The following SAMD4A variants were observed in gnomAD, a reference collection of about 807,000 sequenced individuals.
SAMD4A encodes sterile alpha motif domain containing 4A, also known as protein Smaug homolog 1.
In SAMD4A, 33 loss-of-function variants were observed where a neutral mutation model predicts 81.3. The ratio of observed to expected loss-of-function variants is 0.41; its 90% CI spans 0.31 to 0.54. The LOEUF (loss-of-function observed/expected upper bound fraction) is 0.54. SAMD4A is among the 20% of genes least tolerant of loss of function. SAMD4A has a pLI of 0.37. For synonymous variants in SAMD4A, 389 were observed against 382.1 expected, an observed-to-expected ratio of 1.02 and a Z score of -0.21; for missense variants, 854 against 951.1, an observed-to-expected ratio of 0.90 and a Z score of 1.34.
intron 2 of SAMD4A, among the ~76,000 whole-genome samples, chr14:54,678,678 A>T (rs920198404): frequency 6.6e-6 from 1 of 150,642 alleles, no homozygotes; most frequent in African/African-American, 2.5e-5. Context: ...CCTCCTGAGT[A>T]GCTGGGACTA....
chr14:54,754,884 A>T, intron 6 of SAMD4A: 1 of 986,764 alleles, frequency 1.0e-6, no homozygotes, highest in African/African-American at 1.7e-5. Flanking sequence ...TGCCCCATCC[A>T]TTGGAGATTA....
At chr14:54,669,980 A>G (rs994158398) in intron 2 of SAMD4A, among the ~76,000 whole-genome samples, 10 of 152,232 alleles carry the variant, frequency 6.6e-5, no homozygotes, top group African/African-American at 2.2e-4. Context: ...TTCCTGTGTA[A>G]AGAAAAAACG....
intron 4 of SAMD4A, among the ~76,000 whole-genome samples, chr14:54,739,961 G>A (rs1324913281): frequency 6.6e-6 from 1 of 152,198 alleles, no homozygotes; most frequent in African/African-American, 2.4e-5. Flanking sequence ...CTTGAGGTCA[G>A]GAATTCGAGA....
intron 2 of SAMD4A, among the ~76,000 whole-genome samples, chr14:54,671,660 A>C (rs1336913652): frequency 1.3e-5 from 2 of 152,216 alleles, no homozygotes; most frequent in African/African-American, 4.8e-5. Context: ...ACGTGGAACG[A>C]ACTCAGTCTT....
intron 2 of SAMD4A, among the ~76,000 whole-genome samples, chr14:54,701,582 A>G (rs529045440): frequency 6.6e-6 from 1 of 152,298 alleles, no homozygotes; most frequent in East Asian, 1.9e-4. Flanking sequence ...AAGTTTTTCC[A>G]ATTTCACACA....
intron 2 of SAMD4A, among the ~76,000 whole-genome samples, chr14:54,630,955 T>TGTGTGTGTGA (rs1566557252): frequency 7.5e-6 from 1 of 133,776 alleles, no homozygotes; most frequent in African/African-American, 2.8e-5. Context: ...TGTGTGTGTG[T>TGTGTGTGTGA]GATGAGAAAT....
chr14:54,614,824 G>C (rs2034451839), intron 2 of SAMD4A, among the ~76,000 whole-genome samples: 1 of 152,182 alleles, frequency 6.6e-6, no homozygotes, highest in Non-Finnish European at 1.5e-5. Context: ...TCCCGATTTA[G>C]AGAGAGACCT....
intron 12 of SAMD4A, among the ~76,000 whole-genome samples, chr14:54,787,370 A>G (rs1009975630): frequency 6.6e-6 from 1 of 152,216 alleles, no homozygotes; most frequent in Non-Finnish European, 1.5e-5. Context: ...AAAAGTTTCA[A>G]CTGAGGAAGT....
chr14:54,605,486 A>C (rs1208215309), intron 2 of SAMD4A, among the ~76,000 whole-genome samples: 1 of 152,164 alleles, frequency 6.6e-6, no homozygotes, highest in Admixed American at 6.5e-5. Flanking sequence ...TGAAAAGCAA[A>C]GTTTTGGAAG....
chr14:54,567,795 G>A lies in SAMD4A; in HGVS notation c.-122G>A, dbSNP rs2032983134. On this transcript the variant is annotated 5_prime_UTR_variant, in exon 2 of 13. Transcript: ENST00000554335. ...CAGTACCTGCAGCGTCCGGGCACCAGAGCCACCTTGGAACAGGAACGCGTC... is the reference window on the plus strand; with the variant it reads ...CAGTACCTGCAGCGTCCGGGCACCAAAGCCACCTTGGAACAGGAACGCGTC... 4 of 1,030,458 alleles carry A rather than the reference G, an allele frequency of 3.9e-6. No individual in the cohort carries two copies. In the South Asian group the frequency reaches 4.7e-5, roughly 12 times the overall value. The allele number at this position is 1,030,458 out of a possible 1,614,324, so 63.8% of individuals were successfully genotyped here.
chr14:54,760,761 T>C (rs1471066930), intron 7 of SAMD4A, among the ~76,000 whole-genome samples: 2 of 152,162 alleles, frequency 1.3e-5, no homozygotes, highest in Non-Finnish European at 2.9e-5. Context: ...AGCCCTTTTA[T>C]TACAGTGCTC....
chr14:54,673,984 A>G (rs930628450), intron 2 of SAMD4A, among the ~76,000 whole-genome samples: 9 of 152,206 alleles, frequency 5.9e-5, no homozygotes, highest in Admixed American at 6.5e-5. Flanking sequence ...CTGAGTCATC[A>G]GACGCCACGC....
chr14:54,694,510 T>C (rs1255429938), intron 2 of SAMD4A: 2 of 482,418 alleles, frequency 4.1e-6, no homozygotes, highest in Non-Finnish European at 5.4e-6. Context: ...TGTGGACATG[T>C]TGACTTTGAG....
chr14:54,722,111 C>G (rs963132618), intron 3 of SAMD4A, among the ~76,000 whole-genome samples: 1 of 152,158 alleles, frequency 6.6e-6, no homozygotes, highest in South Asian at 2.1e-4. Flanking sequence ...TCTTTCATGG[C>G]GACTTCAGCT....
intron 2 of SAMD4A, among the ~76,000 whole-genome samples, chr14:54,656,173 A>G (rs995783391): frequency 6.6e-6 from 1 of 152,174 alleles, no homozygotes; most frequent in Non-Finnish European, 1.5e-5. Flanking sequence ...AACTTTCCTT[A>G]CTGTAGAATT....
chr14:54,690,618 C>T (rs1365486840), intron 2 of SAMD4A, among the ~76,000 whole-genome samples: 1 of 152,092 alleles, frequency 6.6e-6, no homozygotes, highest in African/African-American at 2.4e-5. Flanking sequence ...TCTATGGGTA[C>T]AAAACTTTCC....
At chr14:54,613,754 A>G (rs2034423024) in intron 2 of SAMD4A, among the ~76,000 whole-genome samples, 1 of 152,186 alleles carries the variant, frequency 6.6e-6, no homozygotes, top group African/African-American at 2.4e-5. Flanking sequence ...TCATAAGACA[A>G]TTTGTATCTT....
intron 2 of SAMD4A, among the ~76,000 whole-genome samples, chr14:54,674,071 A>G (rs2035940380): frequency 6.6e-6 from 1 of 152,236 alleles, no homozygotes; most frequent in Non-Finnish European, 1.5e-5. Context: ...AATCCATTTT[A>G]GCATTCCACT....
At chr14:54,608,683 A>G (rs764488203) in intron 2 of SAMD4A, among the ~76,000 whole-genome samples, 8 of 152,244 alleles carry the variant, frequency 5.3e-5, no homozygotes, top group Non-Finnish European at 1.0e-4. Flanking sequence ...TTGCATTTAC[A>G]CTAGCTGGAG....
Sources: gnomAD v4.1 joint callset for allele counts (sites outside exome capture counted in the v4.1 genomes callset) on GRCh38, gnomAD v4.1.1 for gene constraint, MANE v1.5 for transcripts, NCBI Gene and HGNC (gene_info 2026-07-23, HGNC 2026-07-21) for gene names.